Variants in NPAS3 observed in about 807,000 individuals in gnomAD.
NPAS3 encodes neuronal PAS domain-containing protein 3.
A neutral mutation model predicts 73.1 loss-of-function variants in NPAS3; 14 were observed. That is an observed-to-expected ratio of 0.19 (90% CI 0.13 to 0.30). NPAS3 has a LOEUF of 0.30. Ranked by LOEUF, NPAS3 falls within the 10% of genes least tolerant of loss-of-function variation. The pLI is 1.00. For missense variants in NPAS3, 1,096 were observed against 1,250.0 expected (o/e 0.88, Z 1.86); for synonymous variants, 620 against 541.5 (o/e 1.14, Z -2.01).
intron 1 of NPAS3, among the ~76,000 whole-genome samples, chr14:33,045,155 TCATAG>T (rs2040467418): frequency 6.6e-6 from 1 of 152,156 alleles, no homozygotes; most frequent in Non-Finnish European, 1.5e-5. Context: ...TGGCCTGTAG[TCATAG>T]CTGCAAGGGA....
At chr14:33,112,341 G>A (rs920931981) in intron 2 of NPAS3, among the ~76,000 whole-genome samples, 11 of 152,228 alleles carry the variant, frequency 7.2e-5, no homozygotes, top group African/African-American at 2.6e-4. Flanking sequence ...GTTGTTCCCT[G>A]ACTTTTTAAT....
chr14:33,246,613 A>G (rs1391533446), intron 3 of NPAS3, among the ~76,000 whole-genome samples: 1 of 151,254 alleles, frequency 6.6e-6, no homozygotes, highest in African/African-American at 2.4e-5. Flanking sequence ...GATTCTAATT[A>G]GAAGAGTATC....
intron 1 of NPAS3, among the ~76,000 whole-genome samples, chr14:32,952,324 C>T (rs528005084): frequency 3.9e-5 from 6 of 151,922 alleles, no homozygotes; most frequent in African/African-American, 9.7e-5. Context: ...TCCTTTTTCC[C>T]CCTCATCACT....
intron 2 of NPAS3, among the ~76,000 whole-genome samples, chr14:33,207,266 C>T: frequency 2.3e-4 from 1 of 4,428 alleles, no homozygotes; most frequent in African/African-American, 5.4e-4. Flanking sequence ...CACACACACA[C>T]GCACACACAC....
At chr14:33,135,220 AC>A (rs2043788506) in intron 2 of NPAS3, among the ~76,000 whole-genome samples, 1 of 152,204 alleles carries the variant, frequency 6.6e-6, no homozygotes, top group Admixed American at 6.5e-5. Flanking sequence ...AGTTATAGGG[AC>A]AAGTAAAAGT....
rs111919269 is a variant in NPAS3, at chr14:33,169,713, G to A, written c.141-45469G>A. On this transcript the variant is annotated intron_variant, in intron 2 of 11. Transcript: ENST00000356141. Reference sequence around the variant, plus strand: ...AGGGGATTGTAAATAAGAAATTGGCGGGCTATGAGTACAGAAAGGCTGCCA... The same window carrying A: ...AGGGGATTGTAAATAAGAAATTGGCAGGCTATGAGTACAGAAAGGCTGCCA... 1.2e-3 allele frequency among the ~76,000 whole-genome samples: 178 copies of A among 152,236 alleles called. 1 individual carries two copies. The highest frequency in any genetic ancestry group is 1.6e-3 in the Non-Finnish European group (110 of 68,016).
intron 2 of NPAS3, among the ~76,000 whole-genome samples, chr14:33,060,438 C>T (rs1044122861): frequency 3.9e-5 from 6 of 152,142 alleles, no homozygotes; most frequent in Non-Finnish European, 7.4e-5. Context: ...TTTTAAACAA[C>T]GAGGTTTAAT....
intron 3 of NPAS3, among the ~76,000 whole-genome samples, chr14:33,244,695 G>A (rs553224441): frequency 9.2e-5 from 14 of 152,138 alleles, no homozygotes; most frequent in African/African-American, 2.9e-4. Flanking sequence ...TCTTTTGACC[G>A]GTTCTCTACT....
chr14:33,079,325 C>CTTTTTTCTTTTTT (rs2041780109), intron 2 of NPAS3, among the ~76,000 whole-genome samples: 1 of 132,300 alleles, frequency 7.6e-6, no homozygotes, highest in Non-Finnish European at 1.6e-5. Context: ...TTTCTTTTTC[C>CTTTTTTCTTTTTT]TTTTTTTTTT....
intron 1 of NPAS3, among the ~76,000 whole-genome samples, chr14:32,972,373 T>C (rs1475179649): frequency 6.6e-6 from 1 of 152,230 alleles, no homozygotes; most frequent in Admixed American, 6.5e-5. Context: ...TAAGATTTAG[T>C]TTAAAAAATA....
At chr14:33,366,408 T>G (rs2045846602) in intron 3 of NPAS3, among the ~76,000 whole-genome samples, 1 of 151,974 alleles carries the variant, frequency 6.6e-6, no homozygotes, top group African/African-American at 2.4e-5. Context: ...TGTTAAGGAT[T>G]ATGAGGACTC....
At chr14:33,207,069 G>A (rs1345907022) in intron 2 of NPAS3, among the ~76,000 whole-genome samples, 2 of 152,232 alleles carry the variant, frequency 1.3e-5, no homozygotes, top group Admixed American at 1.3e-4. Context: ...CTAAACTTGC[G>A]ACCTGAAGAG....
intron 1 of NPAS3, among the ~76,000 whole-genome samples, chr14:32,967,223 T>C (rs2037213189): frequency 6.6e-6 from 1 of 152,210 alleles, no homozygotes; most frequent in Non-Finnish European, 1.5e-5. Flanking sequence ...ACTTAATGAA[T>C]AGTAAATATA....
chr14:33,644,965 C>T (rs892303433), intron 5 of NPAS3, among the ~76,000 whole-genome samples: 1 of 151,568 alleles, frequency 6.6e-6, no homozygotes, highest in South Asian at 2.1e-4. Flanking sequence ...CCTGTAATCC[C>T]AGCTACTTGG....
At chr14:33,495,344 G>A (rs1409757411) in intron 4 of NPAS3, among the ~76,000 whole-genome samples, 4 of 152,110 alleles carry the variant, frequency 2.6e-5, no homozygotes, top group Admixed American at 2.6e-4. Flanking sequence ...CTGAGAGACT[G>A]TTATGATTTC....
At chr14:33,642,414 A>G (rs968535202) in intron 5 of NPAS3, among the ~76,000 whole-genome samples, 1 of 152,252 alleles carries the variant, frequency 6.6e-6, no homozygotes, top group Non-Finnish European at 1.5e-5. Context: ...GAAGACAGAG[A>G]GGAATGTGGG....
intron 3 of NPAS3, among the ~76,000 whole-genome samples, chr14:33,256,596 A>G (rs766153008): frequency 6.6e-6 from 1 of 152,184 alleles, no homozygotes; most frequent in African/African-American, 2.4e-5. Context: ...TTTGCTTTAC[A>G]CTGGCCGTTA....
chr14:33,439,663 A>G (rs538485651), intron 4 of NPAS3, among the ~76,000 whole-genome samples: 26 of 152,372 alleles, frequency 1.7e-4, no homozygotes, highest in African/African-American at 6.3e-4. Flanking sequence ...ATTTCAAAAA[A>G]TGTAAAACCT....
intron 7 of NPAS3, among the ~76,000 whole-genome samples, chr14:33,753,797 C>A (rs1217497540): frequency 6.6e-6 from 1 of 152,148 alleles, no homozygotes; most frequent in East Asian, 1.9e-4. Context: ...TGTTCCCTCT[C>A]ATTTTTCCCT....
Sources: allele counts gnomAD v4.1 joint callset (sites outside exome capture counted in the v4.1 genomes callset), GRCh38; gene constraint gnomAD v4.1.1; transcripts MANE v1.5; gene names NCBI Gene and HGNC (gene_info 2026-07-23, HGNC 2026-07-21).